WDR47: variants seen among roughly 807,000 people sequenced by gnomAD.
The protein encoded by WDR47 is WD repeat domain 47.
Under a neutral mutation model 97.2 loss-of-function variants are expected in WDR47, and 32 were observed. The observed-to-expected ratio is 0.33, with a 90% confidence interval of 0.25 to 0.44. The LOEUF is 0.44. Among genes scored for constraint, WDR47 ranks in the 20% least tolerant of loss-of-function variants. The probability of loss-of-function intolerance (pLI) is 1.00; values close to 1 mark genes in which losing one functional copy is unlikely to be tolerated. For missense variants in WDR47, 782 were observed against 1,102.3 expected, an observed-to-expected ratio of 0.71 and a Z score of 4.11; for synonymous variants, 375 against 373.5, an observed-to-expected ratio of 1.00 and a Z score of -0.05.
chr1:108,990,993 T>G (rs376903456), intron 9 of WDR47, among the ~76,000 whole-genome samples: 1 of 151,410 alleles, frequency 6.6e-6, no homozygotes, highest in Non-Finnish European at 1.5e-5. Flanking sequence ...TTTGTGGGGT[T>G]TTTTTTTGTT....
chr1:109,001,289 A>C (rs1660167374), intron 7 of WDR47, among the ~76,000 whole-genome samples: 2 of 152,150 alleles, frequency 1.3e-5, no homozygotes, highest in South Asian at 4.1e-4. Flanking sequence ...ATTCCATCCC[A>C]AGAATGAATA....
intron 13 of WDR47, among the ~76,000 whole-genome samples, chr1:108,979,280 GA>G (rs1349751768): frequency 6.6e-6 from 1 of 151,758 alleles, no homozygotes; most frequent in African/African-American, 2.4e-5. Flanking sequence ...ATATACACAG[GA>G]AAAAAAATAA....
intron 2 of WDR47, among the ~76,000 whole-genome samples, chr1:109,019,895 G>A (rs763346345): frequency 6.6e-6 from 1 of 152,114 alleles, no homozygotes; most frequent in Non-Finnish European, 1.5e-5. Flanking sequence ...TTTTAAATGG[G>A]AAGGATGGGC....
chr1:108,998,665 T>C (rs1444889198), intron 7 of WDR47, among the ~76,000 whole-genome samples: 1 of 152,158 alleles, frequency 6.6e-6, no homozygotes, highest in Non-Finnish European at 1.5e-5. Flanking sequence ...TACAGTACTA[T>C]TAATAAAATT....
chr1:108,995,522 C>T, intron 8 of WDR47, 58 bp downstream of exon 8: 1 of 1,580,658 alleles, frequency 6.3e-7, no homozygotes, highest in Non-Finnish European at 8.6e-7. Context: ...ACAAGTTCAA[C>T]CTTCTAACCA....
chr1:109,021,079 T>C (rs189159303), intron 2 of WDR47, among the ~76,000 whole-genome samples: 36 of 152,276 alleles, frequency 2.4e-4, no homozygotes, highest in East Asian at 2.1e-3. Context: ...CTCATAAAAA[T>C]AGAATACACT....
chr1:109,021,196 C>T (rs1571235297), intron 2 of WDR47, among the ~76,000 whole-genome samples: 3 of 152,240 alleles, frequency 2.0e-5, no homozygotes, highest in South Asian at 4.1e-4. Context: ...GCAATTCCAC[C>T]TCTAAGAATC....
intron 3 of WDR47, 115 bp downstream of exon 3, chr1:109,017,403 T>C: frequency 2.4e-6 from 2 of 824,038 alleles, no homozygotes; most frequent in South Asian, 1.5e-5. Flanking sequence ...ATCAATTTGT[T>C]TACTCTCTGT....
chr1:108,994,689 G>A (rs1432112804), intron 8 of WDR47, among the ~76,000 whole-genome samples: 1 of 152,060 alleles, frequency 6.6e-6, no homozygotes, highest in East Asian at 1.9e-4. Context: ...AAGCCTTGAA[G>A]TACTATTTGT....
Position 109,011,125 on chromosome 1 carries a change from G to A in WDR47, c.921C>T (p.Ala307=). ...SPMRRPQSAD[A]YMTRSLNPAL... ...CAGGATTCAGAGAGCGGGTCATATA[G>A]GCATCAGCTGATTGAGGTCTTCTCA... The change falls in exon 5 of 15, where the codon GCC becomes GCT. Residue 307 remains alanine, a synonymous_variant. Coordinates refer to ENST00000369962, the MANE Select transcript of WDR47 (RefSeq NM_001142551.2). 2.5e-6 allele frequency: 4 copies of A among 1,614,090 alleles called. No individual in the cohort carries two copies. Among genetic ancestry groups the A allele is most frequent in the Non-Finnish European group, 3.4e-6 (4 of 1,180,014 alleles).
chr1:109,020,299 C>T (rs1486095234), intron 2 of WDR47, among the ~76,000 whole-genome samples: 7 of 150,872 alleles, frequency 4.6e-5, no homozygotes, highest in South Asian at 2.1e-4. Flanking sequence ...TGCAGTGGCA[C>T]GATCTCAGCT....
chr1:108,972,058 A>G (rs1311611978), intron 14 of WDR47, among the ~76,000 whole-genome samples: 1 of 152,134 alleles, frequency 6.6e-6, no homozygotes, highest in East Asian at 1.9e-4. Flanking sequence ...TAGTCATTCA[A>G]TATCTCACTT....
chr1:109,005,902 A>G lies in WDR47; in HGVS notation c.1131-1187T>C, dbSNP rs139882737. Among the ~76,000 whole-genome samples the G allele has an allele frequency of 9.2e-3, 1,404 of 152,124 alleles. 28 individuals carry two copies. Among genetic ancestry groups the G allele is most frequent in the African/African-American group, 0.032 (1,335 of 41,532 alleles). ...AAAATAAAAATAAATAAAAAATAAA[A>G]TCAGTTGTGTGGCCTTGGGACAGTC... On this transcript the variant is annotated intron_variant, in intron 5 of 14. Coordinates refer to ENST00000369962, the MANE Select transcript of WDR47 (RefSeq NM_001142551.2).
At chr1:109,033,308 A>T (rs1662726789) in intron 1 of WDR47, among the ~76,000 whole-genome samples, 1 of 152,158 alleles carries the variant, frequency 6.6e-6, no homozygotes, top group Non-Finnish European at 1.5e-5. Context: ...AGGAAAAACA[A>T]AAACAAAAAA....
In WDR47 at chr1:108,982,744, T is replaced by C; in HGVS notation, c.2131A>G (p.Ile711Val). 3.1e-6 allele frequency: 5 copies of C among 1,613,914 alleles called. No individual in the cohort carries two copies. The highest frequency in any genetic ancestry group is 4.2e-6 in the Non-Finnish European group (5 of 1,179,994). The change falls in exon 12 of 15, where the codon ATT becomes GTT. Residue 711 changes from isoleucine to valine, a missense_variant. Physicochemically the swap from Ile to Val is conservative, Grantham distance 29 (BLOSUM62 3). This residue lies in a region of WDR47 where 228 missense variants were observed against 396.7 expected (regional missense o/e 0.57). Transcript: ENST00000369962. Reference sequence around the variant, plus strand: ...CCTTCCATAAATGCCAAGTCTCTAATTGTTCCATCATGCATACTAAATTCC... The same window carrying C: ...CCTTCCATAAATGCCAAGTCTCTAACTGTTCCATCATGCATACTAAATTCC... ...DLEFSMHDGT[I>V]RDLAFMEGPE... is the part of the protein sequence containing the mutation.
intron 3 of WDR47, among the ~76,000 whole-genome samples, chr1:109,014,142 C>T (rs1365402504): frequency 6.6e-6 from 1 of 152,054 alleles, no homozygotes; most frequent in Non-Finnish European, 1.5e-5. Context: ...AAACAACAAT[C>T]CAATTTTTAT....
At chr1:109,019,487 T>C (rs1386820376) in intron 2 of WDR47, among the ~76,000 whole-genome samples, 1 of 151,522 alleles carries the variant, frequency 6.6e-6, no homozygotes, top group African/African-American at 2.4e-5. Context: ...CTGGGGGTGA[T>C]TTTGCATTCT....
intron 1 of WDR47, among the ~76,000 whole-genome samples, chr1:109,028,316 C>T (rs1205613666): frequency 6.7e-6 from 1 of 149,416 alleles, no homozygotes; most frequent in East Asian, 2.0e-4. Flanking sequence ...TCCCAAGTAG[C>T]TGGGACCACA....
chr1:108,970,357 GAAAT>G lies in WDR47; in HGVS notation c.*1069_*1072del, dbSNP rs1163309659. 1.4e-4 allele frequency: 22 copies of G among 152,498 alleles called. No homozygotes were observed. The highest frequency in any genetic ancestry group is 4.6e-4 in the African/African-American group (19 of 41,446). The allele number at this position is 152,498 out of a possible 1,614,324, so 9.4% of individuals were successfully genotyped here. ...AATGAGAACTAATACAACTGCATTT[GAAAT>G]AAATAAAATAGCCTATTTAAATAAT... is the stretch of plus-strand genomic sequence containing the variant. On this transcript the variant is annotated 3_prime_UTR_variant, in exon 15 of 15. Coordinates refer to ENST00000369962, the MANE Select transcript of WDR47 (RefSeq NM_001142551.2).
Sources: allele counts gnomAD v4.1 joint callset (sites outside exome capture counted in the v4.1 genomes callset), GRCh38; gene constraint gnomAD v4.1.1; regional missense constraint gnomAD v4.1.1; transcripts MANE v1.5; gene names NCBI Gene and HGNC (gene_info 2026-07-23, HGNC 2026-07-21).